BTBD16: variants seen among roughly 807,000 people sequenced by gnomAD.
BTBD16 encodes the protein BTB/POZ domain-containing protein 16.
BTBD16 carries 66 observed loss-of-function variants against 67.4 expected under a neutral mutation model. The observed-to-expected ratio is 0.98, with a 90% CI of 0.80 to 1.20. The LOEUF (loss-of-function observed/expected upper bound fraction) is 1.20, where lower values mean the gene tolerates loss of function less well. Among genes scored for constraint, BTBD16 ranks in the 50% most tolerant of loss-of-function variants. The pLI is 0.00. For missense variants in BTBD16, 634 were observed against 616.0 expected (o/e 1.03, Z -0.31); for synonymous variants, 242 against 236.4 (o/e 1.02, Z -0.22).
At chr10:122,322,686 A>G (rs1243650893) in intron 10 of BTBD16, among the ~76,000 whole-genome samples, 3 of 152,180 alleles carry the variant, frequency 2.0e-5, no homozygotes, top group African/African-American at 7.2e-5. Flanking sequence ...CTTATTTTGG[A>G]TTAATTATGG....
chr10:122,325,190 T>C (rs1305625903), intron 10 of BTBD16, among the ~76,000 whole-genome samples: 2 of 152,176 alleles, frequency 1.3e-5, no homozygotes, highest in Non-Finnish European at 2.9e-5. Context: ...GATGGGATGA[T>C]GGAAATGAGG....
chr10:122,319,979 T>A (rs10887126), intron 10 of BTBD16, among the ~76,000 whole-genome samples: 6,619 of 152,254 alleles, frequency 0.043, 370 homozygotes, highest in East Asian at 0.22. Context: ...AGAGGTATTA[T>A]TTTAACTTTG....
At chr10:122,288,750 G>T (rs2096368410) in intron 5 of BTBD16, among the ~76,000 whole-genome samples, 2 of 152,140 alleles carry the variant, frequency 1.3e-5, no homozygotes, top group African/African-American at 4.8e-5. Context: ...TTACATTTGG[G>T]GTCAGGAAAG....
At chr10:122,283,703 G>A in intron 3 of BTBD16, 148 bp from the exon 4 acceptor site, 1 of 635,728 alleles carries the variant, frequency 1.6e-6, no homozygotes, top group Non-Finnish European at 2.8e-6. Flanking sequence ...GGCAAATGGT[G>A]ACCTGAGGAA....
At chr10:122,282,829 G>A (rs1300088402) in intron 3 of BTBD16, among the ~76,000 whole-genome samples, 4 of 152,210 alleles carry the variant, frequency 2.6e-5, no homozygotes, top group Non-Finnish European at 5.9e-5. Context: ...ATCCCAGGAC[G>A]GGCAGGGGTA....
At chr10:122,318,160 T>C (rs1227839969) in intron 10 of BTBD16, among the ~76,000 whole-genome samples, 1 of 152,168 alleles carries the variant, frequency 6.6e-6, no homozygotes, top group Non-Finnish European at 1.5e-5. Context: ...CACTATCTTA[T>C]ATGTGGTCTG....
chr10:122,290,068 C>A, intron 6 of BTBD16, 70 bp downstream of exon 6: 4 of 1,083,120 alleles, frequency 3.7e-6, no homozygotes, highest in Non-Finnish European at 5.5e-6. Context: ...TAAAAATGCA[C>A]AAGCAACAAC....
intron 4 of BTBD16, 120 bp from the exon 5 acceptor site, chr10:122,285,985 C>A: frequency 2.0e-6 from 2 of 1,006,970 alleles, no homozygotes; most frequent in Non-Finnish European, 3.0e-6. Context: ...GGGGAGGCTG[C>A]TTGCCTGCTT....
intron 5 of BTBD16, 165 bp from the exon 6 acceptor site, chr10:122,289,744 C>A (rs1183603587): frequency 6.5e-6 from 1 of 154,180 alleles, no homozygotes; most frequent in Non-Finnish European, 1.4e-5. Context: ...ATCTCACACA[C>A]AAAAATTAAT....
rs915191835 is a variant in BTBD16 at position 122,336,628 on chromosome 10, G to A, written c.1398G>A (p.Arg466=). The A allele has an allele frequency of 4.3e-6, 7 of 1,609,824 alleles. No homozygotes were observed. The highest frequency in any genetic ancestry group is 5.9e-6 in the Non-Finnish European group (7 of 1,179,048). ...TTGACGGCAAGTGGCAGGAGTTCAG[G>A]ACAAACCAGATCAAGCAGAAGTTTG... ...ALVDGKWQEF[R]TNQIKQKFGL... Residue 466 remains arginine (R), a synonymous_variant, in exon 15 of 16, where the codon AGG becomes AGA. Coordinates refer to ENST00000260723, the MANE Select transcript of BTBD16 (RefSeq NM_144587.5).
At position 122,289,004 on chromosome 10, in the gene BTBD16, A is replaced by T. The variant is rs142913821; in HGVS notation, c.386-905A>T. On this transcript the variant is annotated intron_variant, in intron 5 of 15. Transcript: ENST00000260723. ...GCCACTCTGTAGCTCACATTCGAGG[A>T]TGACTGAGTGGATGGCATTGGCTAG... Among the ~76,000 whole-genome samples, 9 of 152,254 alleles carry T rather than the reference A, an allele frequency of 5.9e-5. No individual in the cohort carries two copies. The South Asian group carries it at 6.2e-4, about 11-fold the overall frequency.
intron 10 of BTBD16, among the ~76,000 whole-genome samples, chr10:122,316,242 G>C (rs2096424117): frequency 6.6e-6 from 1 of 152,118 alleles, no homozygotes; most frequent in Non-Finnish European, 1.5e-5. Context: ...ATTCCAGCCT[G>C]GGTGACTGAA....
chr10:122,324,510 T>C (rs1020902749), intron 10 of BTBD16, among the ~76,000 whole-genome samples: 15 of 152,250 alleles, frequency 9.9e-5, no homozygotes, highest in African/African-American at 3.4e-4. Flanking sequence ...TGGGCAACCC[T>C]GGTGTGTCAA....
intron 7 of BTBD16, chr10:122,294,145 G>C: frequency 1.0e-6 from 1 of 985,440 alleles, no homozygotes; most frequent in Non-Finnish European, 1.2e-6. Flanking sequence ...AGGCCAGGGC[G>C]GGCCTGCACA....
At chr10:122,336,769 A>G in intron 15 of BTBD16, 87 bp downstream of exon 15, 1 of 1,223,292 alleles carries the variant, frequency 8.2e-7, no homozygotes. Context: ...TCTAATCTCC[A>G]GTGCTCTACA....
intron 9 of BTBD16, among the ~76,000 whole-genome samples, chr10:122,302,221 C>A (rs577152939): frequency 1.9e-4 from 29 of 152,338 alleles, no homozygotes; most frequent in Non-Finnish European, 3.4e-4. Context: ...ATTTTGTAAA[C>A]CACCTGGGGT....
At chr10:122,291,219 G>A (rs775326033) in intron 7 of BTBD16, 25 bp downstream of exon 7, 2 of 1,600,912 alleles carry the variant, frequency 1.2e-6, no homozygotes, top group Non-Finnish European at 1.7e-6. Context: ...CTGACTTTGG[G>A]CAGGGCCGGG....
At chr10:122,322,321 C>T (rs2096436971) in intron 10 of BTBD16, among the ~76,000 whole-genome samples, 1 of 151,962 alleles carries the variant, frequency 6.6e-6, no homozygotes, top group Admixed American at 6.6e-5. Context: ...TATACGTTTC[C>T]TTTAACTGCA....
chr10:122,307,342 C>T lies in BTBD16; in HGVS notation c.911+34C>T, dbSNP rs755544881. On this transcript the variant is annotated intron_variant, in intron 10 of 15. Coordinates refer to ENST00000260723, the MANE Select transcript of BTBD16 (RefSeq NM_144587.5). ...ACTTAGTGTTGATTGATGAAATACA[C>T]AAATACTGAAATGTACAAACACTGC... The T allele has an allele frequency of 8.0e-5, 125 of 1,563,304 alleles. 1 individual carries two copies. In the Admixed American group the frequency reaches 2.4e-3, roughly 30 times the overall value.
Sources: gnomAD v4.1 joint callset for allele counts (sites outside exome capture counted in the v4.1 genomes callset) on GRCh38, gnomAD v4.1.1 for gene constraint, MANE v1.5 for transcripts, NCBI Gene and HGNC (gene_info 2026-07-23, HGNC 2026-07-21) for gene names.